The following TRMT44 variants were observed in gnomAD, a reference collection of about 807,000 sequenced individuals.
TRMT44 encodes tRNA methyltransferase 44 homolog.
In TRMT44, 78 loss-of-function variants were observed where a neutral mutation model predicts 77.3. That is an observed-to-expected ratio of 1.01 (90% confidence interval 0.84 to 1.22). The LOEUF (loss-of-function observed/expected upper bound fraction) is 1.22. Ranked by LOEUF, TRMT44 falls within the 50% of genes most tolerant of loss-of-function variation. TRMT44 has a pLI of 0.00. For missense variants in TRMT44, 1,090 were observed against 964.4 expected (o/e 1.13, Z -1.73); for synonymous variants, 391 against 383.3 (o/e 1.02, Z -0.23).
chr4:8,503,484 A>G, the TRMT44 span, among the ~76,000 whole-genome samples: 1 of 152,122 alleles, frequency 6.6e-6, no homozygotes, highest in Admixed American at 6.5e-5. Context: ...GGGACACAGC[A>G]CTCGGTCCCA....
the TRMT44 span, among the ~76,000 whole-genome samples, chr4:8,502,306 G>C: frequency 7.9e-5 from 12 of 152,332 alleles, no homozygotes; most frequent in East Asian, 2.3e-3. Context: ...GGTGTTTGTT[G>C]ACCACATCTG....
chr4:8,505,466 T>C, the TRMT44 span, among the ~76,000 whole-genome samples: 1 of 152,104 alleles, frequency 6.6e-6, no homozygotes, highest in African/African-American at 2.4e-5. Context: ...CAAGACGTGG[T>C]AGGGTGGATG....
chr4:8,497,367 C>T (rs77035395), downstream of TRMT44, among the ~76,000 whole-genome samples: 227 of 151,994 alleles, frequency 1.5e-3, 2 homozygotes, highest in African/African-American at 4.4e-3. Flanking sequence ...TGCTCTGGGC[C>T]GGGCACGGTG....
intron 10 of TRMT44, among the ~76,000 whole-genome samples, chr4:8,474,592 T>G (rs1158190664): frequency 1.3e-5 from 2 of 152,092 alleles, no homozygotes; most frequent in African/African-American, 2.4e-5. Flanking sequence ...ACACACAAGG[T>G]GATTTGAAGG....
rs376761461 is a variant in TRMT44 at position 8,468,363 on chromosome 4, C to T, written c.1927+17C>T. The T allele has an allele frequency of 6.9e-5, 111 of 1,612,666 alleles. No homozygotes were observed. The African/African-American group carries it at 1.3e-3, about 19-fold the overall frequency. On this transcript the variant is annotated intron_variant, in intron 9 of 10. Transcript: ENST00000389737. ...ATGGGGGAGGTAAGCTGTCCACCAT[C>T]TTAGGGAGGGGCTAGCACGCTCCCA...
At chr4:8,511,949 CG>C in the TRMT44 span, 1 of 152,202 alleles carries the variant, frequency 6.6e-6, no homozygotes, top group African/African-American at 2.4e-5. Context: ...TGGACCATCT[CG>C]TGCAATTGCT....
At chr4:8,515,409 C>T in the TRMT44 span, among the ~76,000 whole-genome samples, 27 of 152,194 alleles carry the variant, frequency 1.8e-4, no homozygotes, top group Non-Finnish European at 2.6e-4. Flanking sequence ...TTTGCCCCTG[C>T]GGCAGGCCCA....
the TRMT44 span, among the ~76,000 whole-genome samples, chr4:8,516,033 G>A: frequency 6.6e-6 from 1 of 152,184 alleles, no homozygotes; most frequent in African/African-American, 2.4e-5. Flanking sequence ...CGACAAGATG[G>A]AAGTTCTGCC....
rs1305696128 is a variant in TRMT44, at chr4:8,446,432, A to G, written c.620-44A>G. On this transcript the variant is annotated intron_variant, in intron 1 of 10. Coordinates refer to ENST00000389737, the MANE Select transcript of TRMT44 (RefSeq NM_152544.3). This position sits in a 1 kb window ranked among gnomAD's most constrained non-coding sequence, Gnocchi z 4.3. ...TTAATACTGCTTCTGATGAGACGGT[A>G]GCTAGGCAGTTGTAATTTGTCCTTC... The G allele has an allele frequency of 8.1e-7, 1 of 1,240,220 alleles. No individual in the cohort carries two copies. The highest frequency in any genetic ancestry group is 1.1e-6 in the Non-Finnish European group (1 of 878,530). 76.8% of individuals were successfully genotyped at this position (1,240,220 alleles called of 1,614,324 possible).
chr4:8,480,000 C>A (rs982638320), downstream of TRMT44, among the ~76,000 whole-genome samples: 3 of 152,072 alleles, frequency 2.0e-5, no homozygotes, highest in African/African-American at 7.2e-5. Flanking sequence ...CCTGCCTCAG[C>A]CCCCCAAGTA....
the TRMT44 span, among the ~76,000 whole-genome samples, chr4:8,499,322 G>A: frequency 6.6e-6 from 1 of 152,080 alleles, no homozygotes; most frequent in East Asian, 1.9e-4. Context: ...GGTGACCCCA[G>A]CCCCTGAGCT....
Position 8,471,164 on chromosome 4 carries a change from C to A in TRMT44, c.2008C>A (p.Gln670Lys). 1 of 1,607,718 alleles carries A rather than the reference C, an allele frequency of 6.2e-7. No homozygotes were observed. Among genetic ancestry groups the A allele is most frequent in the Non-Finnish European group, 8.5e-7 (1 of 1,177,012 alleles). Residue 670 changes from glutamine to lysine, a missense_variant, in exon 10 of 11, where the codon CAG becomes AAG. Gln to Lys is a moderately conservative substitution (Grantham distance 53). Transcript: ENST00000389737. ...RRLKRECGGL[Q>K]TLLRNSHQVF... Reference sequence around the variant, plus strand: ...GCTGAAGCGGGAGTGTGGGGGCCTGCAGACGCTGCTCCGGAACAGCCACCA... The same window carrying A: ...GCTGAAGCGGGAGTGTGGGGGCCTGAAGACGCTGCTCCGGAACAGCCACCA...
chr4:8,443,958 T>TTA (rs1724910962), intron 1 of TRMT44, among the ~76,000 whole-genome samples: 2 of 129,170 alleles, frequency 1.5e-5, no homozygotes, highest in African/African-American at 6.5e-5. Context: ...GGACTCAGTC[T>TTA]AAAAAAAAAA....
chr4:8,472,282 C>G (rs1365953440), intron 10 of TRMT44, among the ~76,000 whole-genome samples: 1 of 152,058 alleles, frequency 6.6e-6, no homozygotes, highest in Non-Finnish European at 1.5e-5. Context: ...CAGCTTTAGG[C>G]AGAGCGAACA....
At chr4:8,455,096 G>C (rs553690718) in intron 6 of TRMT44, among the ~76,000 whole-genome samples, 1 of 152,188 alleles carries the variant, frequency 6.6e-6, no homozygotes, top group African/African-American at 2.4e-5. Context: ...GGGTGCTCCC[G>C]TGCAGCCTTG....
At chr4:8,506,345 C>T in the TRMT44 span, among the ~76,000 whole-genome samples, 1 of 152,200 alleles carries the variant, frequency 6.6e-6, no homozygotes, top group Non-Finnish European at 1.5e-5. Context: ...TCTCCTAAAC[C>T]CTCTGTTACC....
chr4:8,507,291 T>C, the TRMT44 span: 5 of 152,398 alleles, frequency 3.3e-5, no homozygotes, highest in Non-Finnish European at 5.9e-5. Context: ...CGTGTCCACA[T>C]TGGGGAAGTG....
chr4:8,508,124 C>G, the TRMT44 span, among the ~76,000 whole-genome samples: 1 of 152,158 alleles, frequency 6.6e-6, no homozygotes, highest in Non-Finnish European at 1.5e-5. Context: ...CCAGACTGGT[C>G]TCGAACTCCT....
intron 2 of TRMT44, among the ~76,000 whole-genome samples, chr4:8,491,281 C>G (rs1444485717): frequency 6.6e-6 from 1 of 152,240 alleles, no homozygotes; most frequent in Admixed American, 6.5e-5. Context: ...GGTGTGTTTA[C>G]AATCCCTGAG....
Sources: allele counts gnomAD v4.1 joint callset (sites outside exome capture counted in the v4.1 genomes callset), GRCh38; gene constraint gnomAD v4.1.1; non-coding constraint Gnocchi (gnomAD v3.1); transcripts MANE v1.5; gene names NCBI Gene and HGNC (gene_info 2026-07-23, HGNC 2026-07-21).